TYRO3: variants seen among roughly 807,000 people sequenced by gnomAD.
The protein encoded by TYRO3 is TYRO3 protein tyrosine kinase.
In TYRO3, 38 loss-of-function variants were observed where a neutral mutation model predicts 95.2. The observed-to-expected ratio is 0.40, with a 90% CI of 0.31 to 0.52. The LOEUF is 0.52. Among genes scored for constraint, TYRO3 ranks in the 20% least tolerant of loss-of-function variants. The pLI is 0.56. For synonymous variants in TYRO3, 367 were observed against 432.9 expected (o/e 0.85, Z 1.89); for missense variants, 812 against 1,116.4 (o/e 0.73, Z 3.89).
chr15:41,568,318 CT>C lies in TYRO3; in HGVS notation c.1064del (p.Leu355ArgfsTer18), dbSNP rs1229607051. On this transcript the variant is annotated frameshift_variant, in exon 8 of 19. Transcript: ENST00000263798. LOFTEE classifies it high-confidence loss of function. ...VIPEAPLEGPLGPYKLSWVQD... is the reference protein window; with the variant it reads ...VIPEAPLEGPXGPYKLSWVQD... ...CCCCGAGGCCCCTTTGGAAGGCCCC[CT>C]GGGACCCTACAAACTGTCCTGGGTT... 5 of 1,613,986 alleles carry C rather than the reference CT, an allele frequency of 3.1e-6. No individual in the cohort carries two copies. The highest frequency in any genetic ancestry group is 4.2e-6 in the Non-Finnish European group (5 of 1,179,996).
chr15:41,577,736 T>G, intron 18 of TYRO3, 150 bp from the exon 19 acceptor site: 1 of 748,384 alleles, frequency 1.3e-6, no homozygotes, highest in South Asian at 1.9e-5. Context: ...ATACCCCCCT[T>G]CGGCCTCCCA....
Position 41,573,619 on chromosome 15 carries a change from T to C in TYRO3, c.2146-60T>C, listed in dbSNP as rs1256976733. 6.9e-6 allele frequency: 10 copies of C among 1,451,554 alleles called. No individual in the cohort carries two copies. The South Asian group carries it at 7.3e-5, about 11-fold the overall frequency. 89.9% of individuals were successfully genotyped at this position (1,451,554 alleles called of 1,614,324 possible). On this transcript the variant is annotated intron_variant, in intron 17 of 18. Transcript: ENST00000263798. ...GTTGTGCTTGTCTCAGAGCCATGGC[T>C]CTCTGCCTGGCTCAGGACACCTAGT...
chr15:41,566,486 T>C (rs2055726376), intron 6 of TYRO3, among the ~76,000 whole-genome samples: 1 of 152,240 alleles, frequency 6.6e-6, no homozygotes, highest in Non-Finnish European at 1.5e-5. Flanking sequence ...TCAGGATCTC[T>C]TGCCCTAATG....
At chr15:41,566,320 T>TAA (rs57924730) in intron 6 of TYRO3, among the ~76,000 whole-genome samples, 1 of 40,952 alleles carries the variant, frequency 2.4e-5, no homozygotes, top group Non-Finnish European at 4.1e-5. Flanking sequence ...CTGTCTCTAT[T>TAA]AAAAAAAAAA....
rs748295108 is a variant in TYRO3, at chr15:41,564,193, A to G, written c.590A>G (p.Gln197Arg). 1.9e-6 allele frequency: 3 copies of G among 1,614,150 alleles called. No individual in the cohort carries two copies. In the East Asian group the frequency reaches 6.7e-5, roughly 36 times the overall value. ...GGTTTTCTGGCCCCAGGGGTGACCC[A>G]GAGCACCATGTTTTCCTGTGAAGCT... ...PSVLNVTGVT[Q>R]STMFSCEAHN... Residue 197 changes from glutamine (Q) to arginine (R), a missense_variant, in exon 5 of 19, where the codon CAG becomes CGG. By Grantham distance (43) the Gln-to-Arg change is conservative (BLOSUM62 1). Coordinates refer to ENST00000263798, the MANE Select transcript of TYRO3 (RefSeq NM_006293.4).
chr15:41,569,997 A>G, intron 9 of TYRO3, 30 bp from the exon 10 acceptor site: 1 of 1,606,442 alleles, frequency 6.2e-7, no homozygotes, highest in Non-Finnish European at 8.5e-7. Context: ...GTGTCATCCT[A>G]GCTCATGCCA....
At chr15:41,573,960 C>CA in intron 18 of TYRO3, 145 bp downstream of exon 18, 1 of 853,854 alleles carries the variant, frequency 1.2e-6, no homozygotes, top group Non-Finnish European at 1.8e-6. Context: ...ACCTCATACT[C>CA]ACTGTTCATC....
chr15:41,560,822 G>A (rs1278582563), intron 1 of TYRO3, among the ~76,000 whole-genome samples: 1 of 152,186 alleles, frequency 6.6e-6, no homozygotes, highest in Non-Finnish European at 1.5e-5. Flanking sequence ...AGCAGTGCCT[G>A]CCCCAGTAGG....
At chr15:41,570,877 G>A in intron 12 of TYRO3, 161 bp from the exon 13 acceptor site, 1 of 916,496 alleles carries the variant, frequency 1.1e-6, no homozygotes, top group Non-Finnish European at 1.7e-6. Flanking sequence ...GAGGGCTGAG[G>A]AGCTGCTCCC....
chr15:41,567,801 A>C (rs2055743345), intron 7 of TYRO3, among the ~76,000 whole-genome samples: 1 of 152,210 alleles, frequency 6.6e-6, no homozygotes, highest in South Asian at 2.1e-4. Context: ...CTGAAGGATA[A>C]AGATCTGAAG....
In TYRO3 at chr15:41,578,006, C is replaced by T. The variant is rs761025249; in HGVS notation, c.2403C>T (p.Asp801=). The change falls in exon 19 of 19, where the codon GAC becomes GAT. Residue 801 remains aspartate, a synonymous_variant. Transcript: ENST00000263798. ...GQLSVLSASQ[D]PLYINIERAE... is the part of the protein sequence containing the mutation. ...TGTCTGTGCTATCTGCCAGCCAGGACCCCTTATACATCAACATCGAGAGAG... is the reference window on the plus strand; with the variant it reads ...TGTCTGTGCTATCTGCCAGCCAGGATCCCTTATACATCAACATCGAGAGAG... The T allele has an allele frequency of 2.5e-6, 4 of 1,613,934 alleles. No homozygotes were observed. The African/African-American group carries it at 4.0e-5, about 16-fold the overall frequency.
chr15:41,574,373 C>T (rs1394793266), intron 18 of TYRO3, among the ~76,000 whole-genome samples: 2 of 152,152 alleles, frequency 1.3e-5, no homozygotes, highest in East Asian at 3.8e-4. Context: ...ACCCACTTTG[C>T]TACAGTGATA....
At chr15:41,560,023 T>G (rs2055625342) in intron 1 of TYRO3, among the ~76,000 whole-genome samples, 1 of 152,124 alleles carries the variant, frequency 6.6e-6, no homozygotes, top group Admixed American at 6.5e-5. Flanking sequence ...GCTCTCCAAG[T>G]TCCCACCCCG....
chr15:41,574,631 A>G, intron 18 of TYRO3: 1 of 456,064 alleles, frequency 2.2e-6, no homozygotes, highest in Non-Finnish European at 4.4e-6. Context: ...TCTTTATGAC[A>G]ACAACTGTGA....
At chr15:41,559,485 G>A (rs2052133854) in intron 1 of TYRO3, 104 bp downstream of exon 1, 1 of 270,582 alleles carries the variant, frequency 3.7e-6, no homozygotes, top group Non-Finnish European at 6.9e-6. Flanking sequence ...CGGGGTGGGG[G>A]TCCGGAGCCG....
intron 8 of TYRO3, among the ~76,000 whole-genome samples, chr15:41,568,630 C>T (rs994944177): frequency 1.3e-5 from 2 of 152,038 alleles, no homozygotes; most frequent in Non-Finnish European, 2.9e-5. Flanking sequence ...AGGCTTTGTC[C>T]CCAGCTCAGT....
Position 41,561,554 on chromosome 15 carries a change from G to A in TYRO3, c.324G>A (p.Glu108=). ...WIGFLSLKSV[E]RSDAGRYWCQ... ...GTTTCCACAGCCTGAAGTCAGTGGA[G>A]CGCTCTGACGCCGGCCGGTACTGGT... is the stretch of plus-strand genomic sequence containing the variant. The change falls in exon 3 of 19, where the codon GAG becomes GAA. Residue 108 remains glutamate, a synonymous_variant. Transcript: ENST00000263798. The A allele has an allele frequency of 6.3e-7, 1 of 1,587,750 alleles. No individual in the cohort carries two copies. Among genetic ancestry groups the A allele is most frequent in the Non-Finnish European group, 8.6e-7 (1 of 1,168,598 alleles).
intron 18 of TYRO3, among the ~76,000 whole-genome samples, chr15:41,575,418 C>G (rs1438050849): frequency 2.0e-5 from 3 of 152,238 alleles, no homozygotes; most frequent in Non-Finnish European, 4.4e-5. Flanking sequence ...CCAGCTGGAG[C>G]TGGTGCTGTC....
At position 41,562,438 on chromosome 15, in the gene TYRO3, C is replaced by T. The variant is rs1174666484; in HGVS notation, c.410-110C>T. Reference sequence around the variant, plus strand: ...CTGCTGTTGACCTAATCATAAGGGGCCTGTGGGAACCTTCTGCGTGGAGGA... The same window carrying T: ...CTGCTGTTGACCTAATCATAAGGGGTCTGTGGGAACCTTCTGCGTGGAGGA... On this transcript the variant is annotated intron_variant, in intron 3 of 18. Coordinates refer to ENST00000263798, the MANE Select transcript of TYRO3 (RefSeq NM_006293.4). The T allele has an allele frequency of 2.6e-6, 3 of 1,172,380 alleles. No homozygotes were observed. The East Asian group carries it at 7.3e-5, about 29-fold the overall frequency. 72.6% of individuals were successfully genotyped at this position (1,172,380 alleles called of 1,614,324 possible).
Sources: allele counts gnomAD v4.1 joint callset (sites outside exome capture counted in the v4.1 genomes callset), GRCh38; gene constraint gnomAD v4.1.1; transcripts MANE v1.5; gene names NCBI Gene and HGNC (gene_info 2026-07-23, HGNC 2026-07-21).